The following NRDE2 variants were observed in gnomAD, a reference collection of about 807,000 sequenced individuals.
NRDE2 encodes NRDE-2, necessary for RNA interference, domain containing, also known as nuclear exosome regulator NRDE2.
NRDE2 carries 76 observed loss-of-function variants against 124.2 expected under a neutral mutation model. That is an observed-to-expected ratio of 0.61 (90% CI 0.51 to 0.74). The LOEUF (loss-of-function observed/expected upper bound fraction) is 0.74, where lower values mean the gene tolerates loss of function less well. NRDE2 is among the 30% of genes least tolerant of loss of function. The probability of loss-of-function intolerance (pLI) is 0.00; values close to 1 mark genes in which losing one functional copy is unlikely to be tolerated. For synonymous variants in NRDE2, 489 were observed against 528.1 expected (o/e 0.93, Z 1.01); for missense variants, 1,314 against 1,417.3 (o/e 0.93, Z 1.17).
chr14:90,304,228 C>T lies in NRDE2; in HGVS notation c.712G>A (p.Ala238Thr), dbSNP rs752427712. The change falls in exon 5 of 14, where the codon GCC (alanine) becomes ACC (threonine). Residue 238 changes from alanine to threonine, a missense_variant. Ala to Thr is a moderately conservative substitution (Grantham distance 58). Transcript: ENST00000354366. ...GGAGGTTCAGTTTTACTGCTAATGGCAACTCCATCGATGTTCATTAATCCC... is the reference window on the plus strand; with the variant it reads ...GGAGGTTCAGTTTTACTGCTAATGGTAACTCCATCGATGTTCATTAATCCC... ...SVGLMNIDGV[A>T]ISSKTEPPSS... 1 of 1,614,174 alleles carries T rather than the reference C, an allele frequency of 6.2e-7. No homozygotes were observed. The highest frequency in any genetic ancestry group is 2.2e-5 in the East Asian group (1 of 44,874).
At chr14:90,300,654 C>T (rs1884359955) in intron 7 of NRDE2, among the ~76,000 whole-genome samples, 1 of 150,590 alleles carries the variant, frequency 6.6e-6, no homozygotes, top group Non-Finnish European at 1.5e-5. Flanking sequence ...CAATAAGGAT[C>T]ACTGTTGACA....
At chr14:90,326,068 A>T (rs1025223476) in intron 1 of NRDE2, among the ~76,000 whole-genome samples, 3 of 152,176 alleles carry the variant, frequency 2.0e-5, no homozygotes, top group African/African-American at 4.8e-5. Flanking sequence ...TTAATAGGGG[A>T]CTGGTTGAAT....
Position 90,315,985 on chromosome 14 carries a change from A to C in NRDE2, c.407+593T>G, listed in dbSNP as rs964584709. 6.6e-5 allele frequency among the ~76,000 whole-genome samples: 10 copies of C among 151,090 alleles called. No homozygotes were observed. The East Asian group carries it at 9.7e-4, about 15-fold the overall frequency. Reference sequence around the variant, plus strand: ...AAAAAAAAAAAAAAAAAAAAGAAAGAAAGCAGAGTAAAATATGGGAGAAAT... The same window carrying C: ...AAAAAAAAAAAAAAAAAAAAGAAAGCAAGCAGAGTAAAATATGGGAGAAAT... On this transcript the variant is annotated intron_variant, in intron 3 of 13. Transcript: ENST00000354366.
intron 8 of NRDE2, 109 bp from the exon 9 acceptor site, chr14:90,292,981 T>A: frequency 2.1e-6 from 2 of 950,836 alleles, no homozygotes; most frequent in Non-Finnish European, 3.2e-6. Context: ...CCAAGATGTG[T>A]AAGAGCCATG....
Position 90,301,387 on chromosome 14 carries a change from G to A in NRDE2, c.1412-15C>T. On this transcript the variant is annotated splice_polypyrimidine_tract_variant and intron_variant, in intron 6 of 13. Transcript: ENST00000354366. ...AAGAAAGAGTGCTGCGAACAGGAGG[G>A]CAAAGGGGAAGAAGCCTGGTTGATA... is the stretch of plus-strand genomic sequence containing the variant. The A allele has an allele frequency of 3.7e-6, 6 of 1,613,184 alleles. No homozygotes were observed. The highest frequency in any genetic ancestry group is 5.1e-6 in the Non-Finnish European group (6 of 1,179,528).
intron 1 of NRDE2, among the ~76,000 whole-genome samples, chr14:90,321,204 C>T (rs997884360): frequency 6.6e-6 from 1 of 152,108 alleles, no homozygotes; most frequent in Non-Finnish European, 1.5e-5. Flanking sequence ...CAGTGTGTGA[C>T]TCTTCAAAGT....
intron 1 of NRDE2, among the ~76,000 whole-genome samples, chr14:90,324,989 T>C (rs918726540): frequency 6.6e-6 from 1 of 152,030 alleles, no homozygotes; most frequent in Non-Finnish European, 1.5e-5. Context: ...GAGGCTGTTG[T>C]AGTAATCTAG....
intron 1 of NRDE2, among the ~76,000 whole-genome samples, chr14:90,321,251 G>A (rs1885229854): frequency 6.6e-6 from 1 of 152,046 alleles, no homozygotes; most frequent in African/African-American, 2.4e-5. Flanking sequence ...TTAAATTTGA[G>A]AGATGGGGTC....
rs778545836 is a variant in NRDE2 at position 90,304,216 on chromosome 14, T to C, written c.724A>G (p.Lys242Glu). The change falls in exon 5 of 14, where the codon AAA becomes GAA. Residue 242 changes from lysine (K) to glutamate (E), a missense_variant. Transcript: ENST00000354366. ...MNIDGVAISS[K>E]TEPPSSEPIS... ...GGCTCAGATGAGGGAGGTTCAGTTT[T>C]ACTGCTAATGGCAACTCCATCGATG... 6 of 1,614,230 alleles carry C rather than the reference T, an allele frequency of 3.7e-6. No homozygotes were observed. The South Asian group carries it at 6.6e-5, about 18-fold the overall frequency.
chr14:90,303,061 C>G lies in NRDE2; in HGVS notation c.1070G>C (p.Arg357Thr), dbSNP rs2139690463. 6.2e-7 allele frequency: 1 copy of G among 1,613,996 alleles called. No individual in the cohort carries two copies. The highest frequency in any genetic ancestry group is 2.2e-5 in the East Asian group (1 of 44,882). ...CTTCTCCAGAATGAGCTTCAGGGAC[C>G]TCTTTCGCTTTTCCTGCTCTCCTTC... Reference protein sequence around the residue: ...IEEGEQEKRKRSLKLILEKKL... With the variant: ...IEEGEQEKRKTSLKLILEKKL... The change falls in exon 6 of 14, where the codon AGG (arginine) becomes ACG (threonine). Residue 357 changes from arginine to threonine, a missense_variant. Coordinates refer to ENST00000354366, the MANE Select transcript of NRDE2 (RefSeq NM_017970.4).
Position 90,288,340 on chromosome 14 carries a change from T to G in NRDE2, c.3035A>C (p.His1012Pro). The change falls in exon 11 of 14, where the codon CAC (histidine) becomes CCC (proline). Residue 1012 changes from histidine to proline, a missense_variant. Transcript: ENST00000354366. ...RSYVQIQNKSHSASKTRRFFD... is the reference protein window; with the variant it reads ...RSYVQIQNKSPSASKTRRFFD... ...AAATCTCCTGGTTTTGCTGGCACTGTGGGACTTATTCTGAATCTGTACATA... is the reference window on the plus strand; with the variant it reads ...AAATCTCCTGGTTTTGCTGGCACTGGGGGACTTATTCTGAATCTGTACATA... 1 of 1,614,234 alleles carries G rather than the reference T, an allele frequency of 6.2e-7. No homozygotes were observed. Among genetic ancestry groups the G allele is most frequent in the Non-Finnish European group, 8.5e-7 (1 of 1,180,044 alleles).
At chr14:90,302,388 C>T (rs990612669) in intron 6 of NRDE2, among the ~76,000 whole-genome samples, 1 of 152,152 alleles carries the variant, frequency 6.6e-6, no homozygotes, top group African/African-American at 2.4e-5. Flanking sequence ...CTGCCTGGGA[C>T]CCTACAATTG....
chr14:90,325,556 C>T (rs1411836752), intron 1 of NRDE2, among the ~76,000 whole-genome samples: 1 of 152,150 alleles, frequency 6.6e-6, no homozygotes, highest in East Asian at 1.9e-4. Context: ...GATGGAGTCT[C>T]ACTATGTCAG....
chr14:90,313,348 G>A (rs567747766), intron 3 of NRDE2, among the ~76,000 whole-genome samples: 21 of 151,956 alleles, frequency 1.4e-4, no homozygotes, highest in African/African-American at 3.1e-4. Context: ...GGGTGGTCTC[G>A]ATCTCCTGAC....
At chr14:90,280,127 G>T (rs11623736) in intron 12 of NRDE2, 46,283 of 150,346 alleles carry the variant, frequency 0.31, 8,710 homozygotes, top group East Asian at 0.52. Flanking sequence ...GGTTTTTTTG[G>T]TTTTTTTTTT....
chr14:90,287,302 A>G, intron 11 of NRDE2, among the ~76,000 whole-genome samples: 1 of 152,098 alleles, frequency 6.6e-6, no homozygotes. Flanking sequence ...CCCCCAGATT[A>G]ACATTTAACC....
chr14:90,316,557 T>C, intron 3 of NRDE2, 21 bp downstream of exon 3: 3 of 1,529,148 alleles, frequency 2.0e-6, no homozygotes, highest in Non-Finnish European at 2.7e-6. Flanking sequence ...ATATCATAGG[T>C]GCTTGAGAAC....
intron 1 of NRDE2, among the ~76,000 whole-genome samples, chr14:90,331,427 T>C (rs897129824): frequency 1.3e-5 from 2 of 152,176 alleles, no homozygotes; most frequent in Admixed American, 1.3e-4. Flanking sequence ...ACCAATCTAA[T>C]AAGCATTTCA....
chr14:90,328,076 G>A (rs1164192760), intron 1 of NRDE2, among the ~76,000 whole-genome samples: 1 of 151,816 alleles, frequency 6.6e-6, no homozygotes, highest in Non-Finnish European at 1.5e-5. Context: ...CCGGGAGGCG[G>A]AGCTTGCAGT....
Sources: allele counts gnomAD v4.1 joint callset (sites outside exome capture counted in the v4.1 genomes callset), GRCh38; gene constraint gnomAD v4.1.1; transcripts MANE v1.5; gene names NCBI Gene and HGNC (gene_info 2026-07-23, HGNC 2026-07-21).